The following GALNT14 variants were observed in gnomAD, a reference collection of about 807,000 sequenced individuals.
The protein encoded by GALNT14 is UDP-GalNAc:polypeptide N-acetylgalactosaminyltransferase 14.
Under a neutral mutation model 77.5 loss-of-function variants are expected in GALNT14, and 60 were observed. The ratio of observed to expected loss-of-function variants is 0.77; its 90% CI spans 0.63 to 0.96. The LOEUF (loss-of-function observed/expected upper bound fraction) is 0.96. Ranked by LOEUF, GALNT14 falls within the 40% of genes least tolerant of loss-of-function variation. The pLI, the probability that GALNT14 is intolerant of heterozygous loss-of-function variation, is 0.00. For missense variants in GALNT14, 710 were observed against 731.0 expected (o/e 0.97, Z 0.33); for synonymous variants, 280 against 281.7 (o/e 0.99, Z 0.06).
Position 30,921,701 on chromosome 2 carries a change from G to A in GALNT14, c.1380+2418C>T, listed in dbSNP as rs73921194. On this transcript the variant is annotated intron_variant, in intron 13 of 14. Transcript: ENST00000349752. The stretch of plus-strand genomic sequence containing the variant: ...GGGTAGGGGCAGGGCTGCAGCCAGG[G>A]CAGGAGAAGCAAGTGGAGGCTTTTG... 1.7e-3 allele frequency among the ~76,000 whole-genome samples: 261 copies of A among 152,360 alleles called. 2 individuals carry two copies. The highest frequency in any genetic ancestry group is 6.1e-3 in the African/African-American group (252 of 41,576).
intron 8 of GALNT14, among the ~76,000 whole-genome samples, 163 bp from the exon 9 acceptor site, chr2:30,942,467 G>A (rs918012371): frequency 1.3e-5 from 2 of 152,188 alleles, no homozygotes; most frequent in Non-Finnish European, 2.9e-5. Flanking sequence ...TTCCTCTCGA[G>A]AAGGGCCAGT....
chr2:30,911,660 G>A (rs116575159), intron 14 of GALNT14, among the ~76,000 whole-genome samples: 1,843 of 152,292 alleles, frequency 0.012, 32 homozygotes, highest in African/African-American at 0.041. Flanking sequence ...TCAGAGAGGA[G>A]GAAATGGACA....
chr2:31,073,468 A>C (rs1421266510), intron 1 of GALNT14, among the ~76,000 whole-genome samples: 1 of 119,956 alleles, frequency 8.3e-6, no homozygotes, highest in African/African-American at 3.4e-5. Context: ...GACAAAAATT[A>C]AATTTGGGGA....
intron 1 of GALNT14, among the ~76,000 whole-genome samples, chr2:31,079,452 C>G (rs1676020413): frequency 6.6e-6 from 1 of 152,190 alleles, no homozygotes; most frequent in African/African-American, 2.4e-5. Context: ...GAAACTCAGG[C>G]TGTACGGGAG....
the GALNT14 span, among the ~76,000 whole-genome samples, chr2:30,895,167 G>C: frequency 6.1e-4 from 93 of 152,310 alleles, no homozygotes; most frequent in African/African-American, 2.1e-3. Flanking sequence ...TGAAGACCTG[G>C]CTGGCTCTAT....
chr2:30,906,950 T>C (rs1346446202), downstream of GALNT14, among the ~76,000 whole-genome samples: 1 of 152,228 alleles, frequency 6.6e-6, no homozygotes, highest in African/African-American at 2.4e-5. Flanking sequence ...AACCTGCTCC[T>C]GAATGACTAC....
intron 9 of GALNT14, among the ~76,000 whole-genome samples, chr2:30,941,100 C>T (rs1265389695): frequency 1.3e-5 from 2 of 152,232 alleles, no homozygotes; most frequent in Non-Finnish European, 2.9e-5. Flanking sequence ...TGGATTACTG[C>T]TAAATGCTGG....
intron 1 of GALNT14, among the ~76,000 whole-genome samples, chr2:31,122,131 T>C (rs1438247591): frequency 6.6e-6 from 1 of 152,018 alleles, no homozygotes; most frequent in African/African-American, 2.4e-5. Context: ...TCCCAGAAGG[T>C]AGCAGAGCCC....
At chr2:30,950,564 C>T (rs1400846650) in intron 6 of GALNT14, among the ~76,000 whole-genome samples, 1 of 152,236 alleles carries the variant, frequency 6.6e-6, no homozygotes, top group Non-Finnish European at 1.5e-5. Context: ...CCCTCACCCC[C>T]TGTCCCCAAA....
chr2:31,082,407 C>T (rs1014894318), intron 1 of GALNT14, among the ~76,000 whole-genome samples: 3 of 152,220 alleles, frequency 2.0e-5, no homozygotes, highest in Non-Finnish European at 4.4e-5. Context: ...ATCACCAGGG[C>T]TGTAATAGTC....
At chr2:30,904,851 C>A in the GALNT14 span, among the ~76,000 whole-genome samples, 2 of 152,110 alleles carry the variant, frequency 1.3e-5, no homozygotes, top group East Asian at 3.9e-4. Flanking sequence ...TCCCAGCACG[C>A]AGCTGGAGAT....
chr2:31,133,361 C>CT (rs908523628), intron 1 of GALNT14, among the ~76,000 whole-genome samples: 4 of 152,032 alleles, frequency 2.6e-5, no homozygotes, highest in African/African-American at 9.7e-5. Context: ...AAATTTATGA[C>CT]TTTTTTTAAT....
At chr2:30,906,111 CA>C (rs1664136439), downstream of GALNT14, among the ~76,000 whole-genome samples, 1 of 150,570 alleles carries the variant, frequency 6.6e-6, no homozygotes, top group South Asian at 2.1e-4. Context: ...AAAATCATGC[CA>C]AAATGTAAAG....
intron 3 of GALNT14, 151 bp downstream of exon 3, chr2:30,966,053 T>C (rs560749228): frequency 3.3e-6 from 2 of 606,504 alleles, no homozygotes; most frequent in South Asian, 2.0e-5. Flanking sequence ...GAGGAGTGAC[T>C]GAGTGGACAC....
chr2:30,924,884 C>T (rs758237905), intron 11 of GALNT14, 61 bp from the exon 12 acceptor site: 31 of 1,356,890 alleles, frequency 2.3e-5, no homozygotes, highest in Middle Eastern at 2.4e-4. Flanking sequence ...GAGGCAGGCG[C>T]CAGCAACGCC....
intron 1 of GALNT14, among the ~76,000 whole-genome samples, chr2:31,048,813 C>T (rs1489699147): frequency 6.6e-6 from 1 of 152,150 alleles, no homozygotes; most frequent in African/African-American, 2.4e-5. Context: ...CTCCCTATCC[C>T]AAACCCCAGA....
chr2:31,023,377 T>C (rs1671846269), intron 1 of GALNT14, among the ~76,000 whole-genome samples: 1 of 152,142 alleles, frequency 6.6e-6, no homozygotes, highest in African/African-American at 2.4e-5. Context: ...TTCCTGTAAC[T>C]GTGCCTCTTT....
intron 8 of GALNT14, among the ~76,000 whole-genome samples, 197 bp downstream of exon 8, chr2:30,944,661 C>T (rs1268758216): frequency 6.6e-6 from 1 of 152,208 alleles, no homozygotes; most frequent in African/African-American, 2.4e-5. Context: ...CAGGCCTCTG[C>T]TGGCCCCCAT....
At chr2:31,090,997 T>C (rs1018545816) in intron 1 of GALNT14, among the ~76,000 whole-genome samples, 5 of 152,228 alleles carry the variant, frequency 3.3e-5, no homozygotes, top group African/African-American at 1.2e-4. Flanking sequence ...ACCGACCCTC[T>C]GATGTGTCCT....
Sources: gnomAD v4.1 joint callset for allele counts (sites outside exome capture counted in the v4.1 genomes callset) on GRCh38, gnomAD v4.1.1 for gene constraint, MANE v1.5 for transcripts, NCBI Gene and HGNC (gene_info 2026-07-23, HGNC 2026-07-21) for gene names.